TMPRSS9: variants seen among roughly 807,000 people sequenced by gnomAD.
The protein encoded by TMPRSS9 is transmembrane protease serine 9.
TMPRSS9 carries 113 observed loss-of-function variants against 111.4 expected under a neutral mutation model. The ratio of observed to expected loss-of-function variants is 1.01; its 90% CI spans 0.87 to 1.19. The LOEUF is 1.19. TMPRSS9 is among the 50% of genes most tolerant of loss of function. TMPRSS9 has a pLI of 0.00. For synonymous variants in TMPRSS9, 805 were observed against 659.1 expected (o/e 1.22, Z -3.39); for missense variants, 1,803 against 1,513.1 (o/e 1.19, Z -3.18).
chr19:2,363,555 G>C (rs549409922), intron 1 of TMPRSS9, among the ~76,000 whole-genome samples: 2 of 151,828 alleles, frequency 1.3e-5, no homozygotes, highest in African/African-American at 4.8e-5. Context: ...GTGAGGTCGC[G>C]TGATTCCCCG....
In TMPRSS9 at chr19:2,403,106, C is replaced by T. The variant is rs770258343; in HGVS notation, c.581C>T (p.Ser194Phe). The change falls in exon 6 of 18, where the codon TCC becomes TTC. Residue 194 changes from serine (S) to phenylalanine (F), a missense_variant. Ser to Phe is a radical substitution (Grantham distance 155, BLOSUM62 -2). Coordinates refer to ENST00000648592, the Ensembl canonical transcript of TMPRSS9. ...GGCCGCTGTCCAGGGAACTCCTTTTCCTGCGGGAACAGCCAGTGTGTGACC... is the reference window on the plus strand; with the variant it reads ...GGCCGCTGTCCAGGGAACTCCTTTTTCTGCGGGAACAGCCAGTGTGTGACC... 1.1e-5 allele frequency: 18 copies of T among 1,611,644 alleles called. No individual in the cohort carries two copies. In the South Asian group the frequency reaches 1.6e-4, roughly 14 times the overall value.
At chr19:2,404,668 G>A (rs1000750312) in intron 6 of TMPRSS9, among the ~76,000 whole-genome samples, 2 of 151,172 alleles carry the variant, frequency 1.3e-5, no homozygotes, top group Non-Finnish European at 2.9e-5. Flanking sequence ...CCGTGGCTCA[G>A]GCCTGTAATC....
chr19:2,410,932 G>A (rs1214255417), intron 9 of TMPRSS9, among the ~76,000 whole-genome samples: 1 of 152,072 alleles, frequency 6.6e-6, no homozygotes, highest in Non-Finnish European at 1.5e-5. Context: ...GGGAAGGGTT[G>A]GTCTATGGGA....
chr19:2,408,268 A>C, intron 7 of TMPRSS9, 88 bp from the exon 9 acceptor site: 1 of 1,352,674 alleles, frequency 7.4e-7, no homozygotes, highest in Non-Finnish European at 1.0e-6. Flanking sequence ...GATACCCCTT[A>C]CATTTTGCAC....
rs140167731 is a variant in TMPRSS9, at chr19:2,367,239, A to C, written c.-26+6879A>C. Among the ~76,000 whole-genome samples the C allele has an allele frequency of 2.2e-4, 34 of 152,270 alleles. No individual in the cohort carries two copies. In the East Asian group the frequency reaches 6.6e-3, roughly 29 times the overall value. Reference sequence around the variant, plus strand: ...TAATTTTTGGAGATATTTAAAAACCACCACATCTATAACCTTGGGCAAGTT... The same window carrying C: ...TAATTTTTGGAGATATTTAAAAACCCCCACATCTATAACCTTGGGCAAGTT... On this transcript the variant is annotated intron_variant, in intron 1 of 17. Transcript: ENST00000649857.
chr19:2,424,689 G>A (rs1409303655), intron 15 of TMPRSS9, among the ~76,000 whole-genome samples: 3 of 152,156 alleles, frequency 2.0e-5, no homozygotes, highest in African/African-American at 7.2e-5. Context: ...GAGGGGTCCG[G>A]TTTTCCAGAG....
At chr19:2,400,798 A>AC (rs1311388102) in intron 4 of TMPRSS9, among the ~76,000 whole-genome samples, 1 of 150,670 alleles carries the variant, frequency 6.6e-6, no homozygotes, top group African/African-American at 2.4e-5. Flanking sequence ...ACACGGTGAA[A>AC]CCCCATCTCT....
intron 1 of TMPRSS9, among the ~76,000 whole-genome samples, chr19:2,383,893 C>G (rs1970418869): frequency 6.6e-6 from 1 of 151,986 alleles, no homozygotes; most frequent in African/African-American, 2.4e-5. Context: ...GACCAAAGAA[C>G]CAAAGCCCGG....
rs151285435 is a variant in TMPRSS9, at chr19:2,395,512, A to G, written c.143-1027A>G. ...GAAGCCAAGGCTGGCGGATCATCTGAGGTCGGGAGTTTGAGACCAGCCTGG... is the reference window on the plus strand; with the variant it reads ...GAAGCCAAGGCTGGCGGATCATCTGGGGTCGGGAGTTTGAGACCAGCCTGG... On this transcript the variant is annotated intron_variant, in intron 1 of 17. Coordinates refer to ENST00000648592, the Ensembl canonical transcript of TMPRSS9. Among the ~76,000 whole-genome samples, 937 of 152,064 alleles carry G rather than the reference A, an allele frequency of 6.2e-3. 12 individuals are homozygous for G. The highest frequency in any genetic ancestry group is 0.022 in the African/African-American group (893 of 41,458).
intron 1 of TMPRSS9, among the ~76,000 whole-genome samples, chr19:2,370,080 C>T (rs1261912360): frequency 1.3e-5 from 2 of 152,078 alleles, no homozygotes; most frequent in Admixed American, 1.3e-4. Context: ...TGATGGCGGG[C>T]ACCAGTGTAA....
intron 15 of TMPRSS9, among the ~76,000 whole-genome samples, chr19:2,424,677 T>G (rs111768825): frequency 0.29 from 43,904 of 151,902 alleles, 6,847 homozygotes; most frequent in African/African-American, 0.41. Flanking sequence ...GCCCTGGCAG[T>G]CGAGGGGTCC....
intron 11 of TMPRSS9, 182 bp from the exon 13 acceptor site, chr19:2,416,356 C>G (rs1971230271): frequency 2.5e-5 from 19 of 766,850 alleles, no homozygotes; most frequent in Non-Finnish European, 3.4e-5. Context: ...GGATCCTTTT[C>G]AGGAGGAGCC....
intron 14 of TMPRSS9, 133 bp from the exon 16 acceptor site, chr19:2,423,956 C>A: frequency 1.0e-6 from 1 of 978,206 alleles, no homozygotes; most frequent in Non-Finnish European, 1.3e-6. Flanking sequence ...GCTGAGTTTT[C>A]CTGGGATAGG....
chr19:2,387,465 A>G (rs1970500256), upstream of TMPRSS9, among the ~76,000 whole-genome samples: 1 of 152,078 alleles, frequency 6.6e-6, no homozygotes. Flanking sequence ...ACTGCACTCC[A>G]GCCAGGTCAA....
intron 1 of TMPRSS9, among the ~76,000 whole-genome samples, chr19:2,383,811 CAATA>C (rs1405005598): frequency 1.3e-5 from 2 of 150,898 alleles, no homozygotes; most frequent in Non-Finnish European, 2.9e-5. Context: ...CATCTCAAAA[CAATA>C]AAAATAAATA....
At chr19:2,367,765 G>A (rs1568465165) in intron 1 of TMPRSS9, among the ~76,000 whole-genome samples, 2 of 151,650 alleles carry the variant, frequency 1.3e-5, no homozygotes. Context: ...GGGTTTCACT[G>A]TGTTAGCCAG....
upstream of TMPRSS9, among the ~76,000 whole-genome samples, chr19:2,388,457 G>A (rs1970519078): frequency 6.6e-6 from 1 of 152,108 alleles, no homozygotes; most frequent in African/African-American, 2.4e-5. Flanking sequence ...GGCTGTGAAG[G>A]GAGAAGAAGG....
At chr19:2,421,553 C>T (rs981308717) in intron 13 of TMPRSS9, among the ~76,000 whole-genome samples, 2 of 152,074 alleles carry the variant, frequency 1.3e-5, no homozygotes, top group East Asian at 1.9e-4. Flanking sequence ...TCCTAAAGTG[C>T]TGGGATTACA....
exon 10 of TMPRSS9, chr19:2,413,707 CAGG>C (rs752203216): frequency 3.1e-6 from 5 of 1,602,866 alleles, no homozygotes; most frequent in East Asian, 2.2e-5. Context: ...TAGGGTGACT[CAGG>C]AGGACCCCTG....
Sources: gnomAD v4.1 joint callset for allele counts (sites outside exome capture counted in the v4.1 genomes callset) on GRCh38, gnomAD v4.1.1 for gene constraint, MANE v1.5 for transcripts, NCBI Gene and HGNC (gene_info 2026-07-23, HGNC 2026-07-21) for gene names.